Variants in ZFPM1 observed in about 807,000 individuals in gnomAD.
ZFPM1 encodes zinc finger protein ZFPM1.
Under a neutral mutation model 46.3 loss-of-function variants are expected in ZFPM1, and 28 were observed. The observed-to-expected ratio is 0.60, with a 90% CI of 0.45 to 0.83. The LOEUF (loss-of-function observed/expected upper bound fraction) is 0.83. ZFPM1 is among the 40% of genes least tolerant of loss of function. The pLI, the probability that ZFPM1 is intolerant of heterozygous loss-of-function variation, is 0.00. For missense variants in ZFPM1, 1,878 were observed against 1,432.4 expected (o/e 1.31, Z -5.02); for synonymous variants, 957 against 675.9 (o/e 1.42, Z -6.45).
chr16:88,491,503 G>A (rs1431578449), intron 3 of ZFPM1, among the ~76,000 whole-genome samples: 3 of 152,224 alleles, frequency 2.0e-5, no homozygotes, highest in Non-Finnish European at 4.4e-5. Context: ...GGGAGGTGGT[G>A]GAGCTGGGTT....
In ZFPM1 at chr16:88,464,918, G is replaced by A. The variant is rs116560293; in HGVS notation, c.40+11240G>A. 3.3e-5 allele frequency among the ~76,000 whole-genome samples: 5 copies of A among 152,240 alleles called. No homozygotes were observed. The East Asian group carries it at 5.8e-4, about 18-fold the overall frequency. On this transcript the variant is annotated intron_variant, in intron 1 of 9. Transcript: ENST00000319555. ...CCACCAGCGATCCGCTGCCTATCTC[G>A]TCCATTTCCACTCCTCCCGAAGATA...
rs186161806 is a variant in ZFPM1, at chr16:88,455,274, C to T, written c.40+1596C>T. On this transcript the variant is annotated intron_variant, in intron 1 of 9. Transcript: ENST00000319555. ...TAAGGCCGCCAGCGCCAGCGAGAGCCCGTAGCCCAGCCCAGCGGGGCGGGC... is the reference window on the plus strand; with the variant it reads ...TAAGGCCGCCAGCGCCAGCGAGAGCTCGTAGCCCAGCCCAGCGGGGCGGGC... Among the ~76,000 whole-genome samples the T allele has an allele frequency of 1.6e-3, 237 of 152,182 alleles. 1 individual carries two copies. The highest frequency in any genetic ancestry group is 5.5e-3 in the African/African-American group (229 of 41,508).
At chr16:88,491,249 C>T (rs1040948489) in intron 3 of ZFPM1, among the ~76,000 whole-genome samples, 2 of 152,128 alleles carry the variant, frequency 1.3e-5, no homozygotes, top group South Asian at 2.1e-4. Context: ...AATAGGGTAG[C>T]GGGTAGCAGG....
At position 88,534,807 on chromosome 16, in the gene ZFPM1, C is replaced by G. The variant is rs373519197; in HGVS notation, c.2849C>G (p.Pro950Arg). ...PEAVPPPPAP[P>R]SYSDKGVQTP... ...GCCGTGCCGCCCCCGCCGGCGCCCC[C>G]CTCCTACTCGGACAAGGGCGTCCAG... Residue 950 changes from proline to arginine, a missense_variant, in exon 10 of 10, where the codon CCC becomes CGC. Coordinates refer to ENST00000319555, the MANE Select transcript of ZFPM1 (RefSeq NM_153813.3). 5.6e-5 allele frequency: 80 copies of G among 1,423,518 alleles called. No individual in the cohort carries two copies. The highest frequency in any genetic ancestry group is 6.8e-5 in the Non-Finnish European group (74 of 1,083,244). 88.2% of individuals were successfully genotyped at this position (1,423,518 alleles called of 1,614,324 possible). A position where few individuals can be genotyped will look rare whatever the true frequency, so the allele number is the denominator to read the frequency against.
In ZFPM1 at chr16:88,531,988, T is replaced by C; in HGVS notation, c.713-14T>C. On this transcript the variant is annotated splice_polypyrimidine_tract_variant and intron_variant, in intron 6 of 9. Coordinates refer to ENST00000319555, the MANE Select transcript of ZFPM1 (RefSeq NM_153813.3). ...TGGCCTTCAGCCTGACCCCGCCTGC[T>C]TCCCACCCCACAGAAGACGTCTTCC... 1 of 1,585,380 alleles carries C rather than the reference T, an allele frequency of 6.3e-7. No homozygotes were observed. The highest frequency in any genetic ancestry group is 8.6e-7 in the Non-Finnish European group (1 of 1,161,836).
intron 2 of ZFPM1, among the ~76,000 whole-genome samples, chr16:88,487,845 A>G (rs1381882941): frequency 6.6e-6 from 1 of 152,156 alleles, no homozygotes; most frequent in Non-Finnish European, 1.5e-5. Context: ...TAGCTCACCC[A>G]GGGACATCCC....
rs1484203522 is a variant in ZFPM1 at position 88,533,269 on chromosome 16, C to A, written c.1311C>A (p.Thr437=). 1.3e-6 allele frequency: 2 copies of A among 1,523,552 alleles called. No homozygotes were observed. The highest frequency in any genetic ancestry group is 8.7e-7 in the Non-Finnish European group (1 of 1,145,044). The allele number at this position is 1,523,552 out of a possible 1,614,324, so 94.4% of individuals were successfully genotyped here. ...ACAGAAAGGCCCTGGCCGAGGCCACCAACGGAGAGGCCAGAGCGGAGCCTC... is the reference window on the plus strand; with the variant it reads ...ACAGAAAGGCCCTGGCCGAGGCCACAAACGGAGAGGCCAGAGCGGAGCCTC... The part of the protein sequence containing the change: ...GLDRKALAEA[T]NGEARAEPLA... The change falls in exon 10 of 10, where the codon ACC becomes ACA. Residue 437 remains threonine (T), a synonymous_variant. Coordinates refer to ENST00000319555, the MANE Select transcript of ZFPM1 (RefSeq NM_153813.3).
chr16:88,499,437 C>T (rs554253609), intron 3 of ZFPM1, among the ~76,000 whole-genome samples: 3 of 152,336 alleles, frequency 2.0e-5, no homozygotes, highest in Non-Finnish European at 4.4e-5. Flanking sequence ...AGACGCAGGC[C>T]AGGGCAGAGG....
rs931978272 is a variant in ZFPM1, at chr16:88,469,603, C to A, written c.40+15925C>A. On this transcript the variant is annotated intron_variant, in intron 1 of 9. Transcript: ENST00000319555. The surrounding 1 kb of genome is among the most constrained non-coding windows in gnomAD (Gnocchi z 4.3). ...CACCTGTGTTCTGCATCCACCCACA[C>A]TGCACAGTGGGTCTTGCTGGCAAGA... Among the ~76,000 whole-genome samples the A allele has an allele frequency of 6.6e-6, 1 of 152,236 alleles. No homozygotes were observed. The highest frequency in any genetic ancestry group is 2.4e-5 in the African/African-American group (1 of 41,456).
At chr16:88,501,549 G>A (rs1168803949) in intron 3 of ZFPM1, among the ~76,000 whole-genome samples, 1 of 145,448 alleles carries the variant, frequency 6.9e-6, no homozygotes, top group African/African-American at 2.6e-5. Flanking sequence ...GGGCCATCCC[G>A]CAGGTGCTGG....
intron 1 of ZFPM1, among the ~76,000 whole-genome samples, chr16:88,455,714 G>A (rs965401506): frequency 5.3e-5 from 8 of 152,160 alleles, no homozygotes; most frequent in Admixed American, 2.6e-4. Flanking sequence ...GATGTGCCGC[G>A]CTGATAAGGC....
chr16:88,487,739 C>T (rs1909313878), intron 2 of ZFPM1, among the ~76,000 whole-genome samples: 1 of 152,220 alleles, frequency 6.6e-6, no homozygotes, highest in Non-Finnish European at 1.5e-5. Context: ...CATGCCCAGC[C>T]TGCTGCGCCT....
At position 88,532,884 on chromosome 16, in the gene ZFPM1, G is replaced by A; in HGVS notation, c.1138G>A (p.Gly380Ser). 1 of 1,613,282 alleles carries A rather than the reference G, an allele frequency of 6.2e-7. No homozygotes were observed. Among genetic ancestry groups the A allele is most frequent in the African/African-American group, 1.3e-5 (1 of 75,018 alleles). The change falls in exon 9 of 10, where the codon GGT (glycine) becomes AGT (serine). Residue 380 changes from glycine (G) to serine (S), a missense_variant. Coordinates refer to ENST00000319555, the MANE Select transcript of ZFPM1 (RefSeq NM_153813.3). ...CATGGTCTGCCAGCCTGGCTCCAAG[G>A]GTGAGATCTACTCGCCAGGGGCCGG... ...NHMVCQPGSK[G>S]EIYSPGAGHP...
intron 1 of ZFPM1, among the ~76,000 whole-genome samples, chr16:88,484,191 G>A (rs1039640835): frequency 6.6e-6 from 1 of 152,216 alleles, no homozygotes; most frequent in Admixed American, 6.5e-5. Flanking sequence ...ACATGTGGGC[G>A]CTTCGGTGTG....
At chr16:88,511,891 G>C (rs1910985364) in intron 3 of ZFPM1, among the ~76,000 whole-genome samples, 1 of 152,138 alleles carries the variant, frequency 6.6e-6, no homozygotes, top group South Asian at 2.1e-4. Context: ...CTGAACCCTG[G>C]TCCAGGGAGA....
In ZFPM1 at chr16:88,534,310, G is replaced by C. The variant is rs1913092566; in HGVS notation, c.2352G>C (p.Ala784=). The change falls in exon 10 of 10, where the codon GCG becomes GCC. Residue 784 remains alanine, a synonymous_variant. Coordinates refer to ENST00000319555, the MANE Select transcript of ZFPM1 (RefSeq NM_153813.3). ...GSGSGPGLAP[A]RSPGPAADGP... is the part of the protein sequence containing the mutation. ...GAAGCGGCCCCGGCCTCGCCCCTGC[G>C]CGCTCGCCCGGCCCCGCGGCCGACG... The C allele has an allele frequency of 9.2e-6, 12 of 1,306,236 alleles. No individual in the cohort carries two copies. The highest frequency in any genetic ancestry group is 1.8e-5 in the South Asian group (1 of 54,274). 80.9% of individuals were successfully genotyped at this position (1,306,236 alleles called of 1,614,324 possible).
Position 88,523,912 on chromosome 16 carries a change from G to A in ZFPM1, c.403-2902G>A, listed in dbSNP as rs139140872. ...CCCACATACGCGGGGTGCACTCGGC[G>A]GGGCCGGGCGGGAACATGGCGCCTG... On this transcript the variant is annotated intron_variant, in intron 4 of 9. Transcript: ENST00000319555. Among the ~76,000 whole-genome samples, 415 of 152,300 alleles carry A rather than the reference G, an allele frequency of 2.7e-3. 2 individuals are homozygous for A. The highest frequency in any genetic ancestry group is 9.1e-3 in the African/African-American group (379 of 41,570).
chr16:88,532,295 G>A (rs1189281795), intron 7 of ZFPM1, 60 bp downstream of exon 7: 9 of 1,471,448 alleles, frequency 6.1e-6, no homozygotes, highest in African/African-American at 1.4e-5. Context: ...ACCCAGTCCC[G>A]CAGGCCGCCC....
intron 3 of ZFPM1, among the ~76,000 whole-genome samples, chr16:88,492,563 G>A (rs930032421): frequency 2.6e-5 from 4 of 152,216 alleles, no homozygotes; most frequent in African/African-American, 9.7e-5. Context: ...AGAGCCCAGG[G>A]CCCTCATCTG....
Sources: gnomAD v4.1 joint callset for allele counts (sites outside exome capture counted in the v4.1 genomes callset) on GRCh38, gnomAD v4.1.1 for gene constraint, Gnocchi (gnomAD v3.1) non-coding constraint, MANE v1.5 for transcripts, NCBI Gene and HGNC (gene_info 2026-07-23, HGNC 2026-07-21) for gene names.